Variants in NEDD9 observed in about 807,000 individuals in gnomAD.
The protein encoded by NEDD9 is enhancer of filamentation 1.
A neutral mutation model predicts 76.6 loss-of-function variants in NEDD9; 26 were observed. That is an observed-to-expected ratio of 0.34 (90% CI 0.25 to 0.47). The LOEUF (loss-of-function observed/expected upper bound fraction) is 0.47. Among genes scored for constraint, NEDD9 ranks in the 20% least tolerant of loss-of-function variants. The pLI is 1.00. For synonymous variants in NEDD9, 392 were observed against 414.2 expected, an observed-to-expected ratio of 0.95 and a Z score of 0.65; for missense variants, 937 against 1,058.5, an observed-to-expected ratio of 0.89 and a Z score of 1.59.
chr6:11,208,362 G>A (rs1335443001), intron 2 of NEDD9, among the ~76,000 whole-genome samples: 1 of 152,158 alleles, frequency 6.6e-6, no homozygotes, highest in Non-Finnish European at 1.5e-5. Flanking sequence ...CAGGACACAG[G>A]CAGTGACATT....
chr6:11,205,368 G>A (rs1023371297), intron 2 of NEDD9, among the ~76,000 whole-genome samples: 2 of 152,194 alleles, frequency 1.3e-5, no homozygotes, highest in Non-Finnish European at 2.9e-5. Flanking sequence ...AAAATGAGAC[G>A]GAAGCATGGG....
intron 1 of NEDD9, among the ~76,000 whole-genome samples, chr6:11,353,311 A>T (rs1478980696): frequency 6.6e-6 from 1 of 152,222 alleles, no homozygotes; most frequent in East Asian, 1.9e-4. Flanking sequence ...AGTTAAGATG[A>T]GGTCATGAAG....
chr6:11,214,209 G>T, intron 1 of NEDD9: 1 of 518,562 alleles, frequency 1.9e-6, no homozygotes, highest in Non-Finnish European at 3.8e-6. Flanking sequence ...TATATTTGGA[G>T]TTGAAAAGCC....
chr6:11,319,827 CAAAT>C (rs1761742719), intron 2 of NEDD9, among the ~76,000 whole-genome samples: 1 of 142,834 alleles, frequency 7.0e-6, no homozygotes, highest in African/African-American at 3.0e-5. Context: ...CACTAACAAG[CAAAT>C]ACACTCACGC....
intron 2 of NEDD9, among the ~76,000 whole-genome samples, chr6:11,311,826 C>T (rs1761380449): frequency 6.6e-6 from 1 of 152,120 alleles, no homozygotes; most frequent in African/African-American, 2.4e-5. Flanking sequence ...CTGGTGCTTG[C>T]TTTCTCTCCC....
rs1044431644 is a variant in NEDD9, at chr6:11,190,569, C to G, written c.1300G>C (p.Asp434His). The G allele has an allele frequency of 6.2e-7, 1 of 1,614,080 alleles. No homozygotes were observed. Among genetic ancestry groups the G allele is most frequent in the African/African-American group, 1.3e-5 (1 of 74,928 alleles). ...VSSLMALVTT[D>H]WRCYGYMERH... is the part of the protein sequence containing the mutation. ...TCCATATATCCGTAACACCGCCAGT[C>G]GGTAGTGACCAGTGCCATTAGGCTG... Residue 434 changes from aspartate to histidine, a missense_variant, in exon 5 of 7, where the codon GAC becomes CAC. Coordinates refer to ENST00000379446, the MANE Select transcript of NEDD9 (RefSeq NM_006403.4). This position sits in a 1 kb window ranked among gnomAD's most constrained non-coding sequence, Gnocchi z 5.8.
intron 1 of NEDD9, among the ~76,000 whole-genome samples, chr6:11,232,288 G>A (rs943872877): frequency 6.6e-6 from 1 of 152,208 alleles, no homozygotes; most frequent in African/African-American, 2.4e-5. Flanking sequence ...TTTCAGAGCA[G>A]ATGGACTCGG....
Position 11,346,485 on chromosome 6 carries a change from C to T in NEDD9, c.-213-11924G>A, listed in dbSNP as rs148258194. Among the ~76,000 whole-genome samples, 327 of 150,974 alleles carry T rather than the reference C, an allele frequency of 2.2e-3. 4 individuals carry two copies. Among genetic ancestry groups the T allele is most frequent in the African/African-American group, 7.2e-3 (300 of 41,424 alleles). Reference sequence around the variant, plus strand: ...TATAAGAAGGCTCGGAGGCCCCCCCCCCCGAGGTGAGTGGAAAGCCCTCTC... The same window carrying T: ...TATAAGAAGGCTCGGAGGCCCCCCCTCCCGAGGTGAGTGGAAAGCCCTCTC... On this transcript the variant is annotated intron_variant, in intron 1 of 3. Transcript: ENST00000397378.
intron 3 of NEDD9, among the ~76,000 whole-genome samples, chr6:11,304,473 T>A (rs1280822189): frequency 1.3e-5 from 2 of 152,190 alleles, no homozygotes; most frequent in African/African-American, 4.8e-5. Flanking sequence ...CCCAAAGGAT[T>A]ATAAATCATG....
rs769619447 is a variant in NEDD9 at position 11,190,453 on chromosome 6, A to C, written c.1416T>G (p.Asn472Lys). ...YLHFVKGAVA[N>K]AACLPELILH... Reference sequence around the variant, plus strand: ...GGATGAGTTCCGGGAGGCAGGCAGCATTTGCAACAGCTCCCTTGACAAAGT... The same window carrying C: ...GGATGAGTTCCGGGAGGCAGGCAGCCTTTGCAACAGCTCCCTTGACAAAGT... The change falls in exon 5 of 7, where the codon AAT becomes AAG. Residue 472 changes from asparagine to lysine, a missense_variant. By Grantham distance (94) the Asn-to-Lys change is moderately conservative. Coordinates refer to ENST00000379446, the MANE Select transcript of NEDD9 (RefSeq NM_006403.4). This position sits in a 1 kb window ranked among gnomAD's most constrained non-coding sequence, Gnocchi z 5.8. The C allele has an allele frequency of 1.2e-6, 2 of 1,614,150 alleles. No homozygotes were observed. Among genetic ancestry groups the C allele is most frequent in the Non-Finnish European group, 8.5e-7 (1 of 1,180,022 alleles).
At chr6:11,193,445 A>G in intron 3 of NEDD9, 146 bp downstream of exon 3, 2 of 483,030 alleles carry the variant, frequency 4.1e-6, no homozygotes, top group Non-Finnish European at 7.3e-6. Context: ...AGCATTGGCT[A>G]AAGTGGCTAC....
At chr6:11,314,272 A>G (rs4713401) in intron 2 of NEDD9, among the ~76,000 whole-genome samples, 68,330 of 151,984 alleles carry the variant, frequency 0.45, 15,982 homozygotes, top group East Asian at 0.74. Flanking sequence ...CCAGCTCAGC[A>G]CCTGGTGCAT....
At chr6:11,280,530 A>G (rs776205004) in intron 3 of NEDD9, among the ~76,000 whole-genome samples, 14 of 152,030 alleles carry the variant, frequency 9.2e-5, no homozygotes, top group Non-Finnish European at 1.3e-4. Flanking sequence ...TGCCATCTCC[A>G]CCCTCTTCTC....
chr6:11,246,822 C>T (rs930088505), intron 3 of NEDD9, among the ~76,000 whole-genome samples: 20 of 152,158 alleles, frequency 1.3e-4, no homozygotes, highest in Non-Finnish European at 2.4e-4. Context: ...CTGGGCCAGT[C>T]GACATGTTTC....
rs1235730024 is a variant in NEDD9 at position 11,290,570 on chromosome 6, G to T, written c.12+15422C>A. Among the ~76,000 whole-genome samples the T allele has an allele frequency of 2.0e-5, 3 of 152,214 alleles. 1 individual carries two copies. Among genetic ancestry groups the T allele is most frequent in the Non-Finnish European group, 4.4e-5 (3 of 68,026 alleles). On this transcript the variant is annotated intron_variant, in intron 3 of 3. Coordinates refer to the NEDD9 transcript ENST00000397378. Reference sequence around the variant, plus strand: ...AAGAGGCATTGCCCTGGAACTGCGGGTTTTGCAGCAGAGTGGTCGTCCTCC... The same window carrying T: ...AAGAGGCATTGCCCTGGAACTGCGGTTTTTGCAGCAGAGTGGTCGTCCTCC...
chr6:11,309,139 C>T (rs941745694), intron 2 of NEDD9, among the ~76,000 whole-genome samples: 2 of 152,170 alleles, frequency 1.3e-5, no homozygotes, highest in Non-Finnish European at 2.9e-5. Flanking sequence ...TGTTTTTAAA[C>T]TTTGGATAAA....
rs146290918 is a variant in NEDD9, at chr6:11,347,652, C to T, written c.-213-13091G>A. Among the ~76,000 whole-genome samples, 12 of 152,270 alleles carry T rather than the reference C, an allele frequency of 7.9e-5. No homozygotes were observed. The East Asian group carries it at 1.7e-3, about 22-fold the overall frequency. On this transcript the variant is annotated intron_variant, in intron 1 of 3. Transcript: ENST00000397378. ...CAAGGCTTGTTCAACATGTGCAAAT[C>T]AATAAATGTGATGGGTCAAATAGAA...
At chr6:11,258,339 C>G (rs1390615202) in intron 3 of NEDD9, 1 of 152,218 alleles carries the variant, frequency 6.6e-6, no homozygotes, top group Non-Finnish European at 1.5e-5. Flanking sequence ...AGCACCCTGG[C>G]TGGCTGGCTC....
At chr6:11,295,268 G>A (rs898073916) in intron 3 of NEDD9, among the ~76,000 whole-genome samples, 2 of 152,116 alleles carry the variant, frequency 1.3e-5, no homozygotes, top group African/African-American at 4.8e-5. Flanking sequence ...TATTTAGCCA[G>A]ATTATGTTTT....
Sources: allele counts gnomAD v4.1 joint callset (sites outside exome capture counted in the v4.1 genomes callset), GRCh38; gene constraint gnomAD v4.1.1; non-coding constraint Gnocchi (gnomAD v3.1); transcripts MANE v1.5; gene names NCBI Gene and HGNC (gene_info 2026-07-23, HGNC 2026-07-21).